Variants in SPAG16 observed in about 807,000 individuals in gnomAD.
SPAG16 encodes the protein sperm associated antigen 16.
Under a neutral mutation model 80.4 loss-of-function variants are expected in SPAG16, and 86 were observed. That is an observed-to-expected ratio of 1.07 (90% CI 0.90 to 1.28). SPAG16 has a LOEUF of 1.28. Among genes scored for constraint, SPAG16 ranks in the 50% most tolerant of loss-of-function variants. The pLI is 0.00. For synonymous variants in SPAG16, 294 were observed against 265.9 expected (o/e 1.11, Z -1.03); for missense variants, 870 against 765.3 (o/e 1.14, Z -1.61).
At chr2:213,969,751 C>A (rs1377066516) in intron 12 of SPAG16, among the ~76,000 whole-genome samples, 1 of 151,800 alleles carries the variant, frequency 6.6e-6, no homozygotes, top group East Asian at 1.9e-4. Flanking sequence ...CAGACTAAGA[C>A]AATTTCTAAA....
intron 15 of SPAG16, among the ~76,000 whole-genome samples, chr2:214,384,197 T>C (rs918594189): frequency 6.6e-6 from 1 of 152,242 alleles, no homozygotes; most frequent in African/African-American, 2.4e-5. Context: ...ATATTGGAGT[T>C]GTCTGAAAGG....
intron 10 of SPAG16, among the ~76,000 whole-genome samples, chr2:213,728,529 G>A (rs955549874): frequency 5.3e-5 from 8 of 152,124 alleles, no homozygotes; most frequent in African/African-American, 1.7e-4. Flanking sequence ...CTGCCACAGG[G>A]AATAAGGACA....
At chr2:213,460,640 AG>A (rs1310779517) in intron 9 of SPAG16, among the ~76,000 whole-genome samples, 1 of 152,200 alleles carries the variant, frequency 6.6e-6, no homozygotes, top group Non-Finnish European at 1.5e-5. Context: ...ATGAATGCAT[AG>A]TAAATTTGAT....
At chr2:213,696,886 C>G (rs559220700) in intron 10 of SPAG16, among the ~76,000 whole-genome samples, 1 of 152,170 alleles carries the variant, frequency 6.6e-6, no homozygotes, top group East Asian at 1.9e-4. Flanking sequence ...GAAATAGTAG[C>G]TGGAAGAGAA....
intron 15 of SPAG16, among the ~76,000 whole-genome samples, chr2:214,339,551 C>T (rs1697522914): frequency 6.6e-6 from 1 of 152,178 alleles, no homozygotes; most frequent in Non-Finnish European, 1.5e-5. Context: ...TGTAAGGGAG[C>T]TTCTCAGGAG....
chr2:213,453,093 A>G lies in SPAG16; in HGVS notation c.943-36870A>G, dbSNP rs2071798181. Among the ~76,000 whole-genome samples, 4 of 152,300 alleles carry G rather than the reference A, an allele frequency of 2.6e-5. No individual in the cohort carries two copies. In the South Asian group the frequency reaches 6.2e-4, roughly 24 times the overall value. ...GGTTATGTTTTATTCCCTATCTCAT[A>G]GAACCTAGACTCTTGTTTCCTTTTT... is the stretch of plus-strand genomic sequence containing the variant. On this transcript the variant is annotated intron_variant, in intron 9 of 15. Transcript: ENST00000331683.
chr2:214,099,642 T>C (rs932240636), intron 13 of SPAG16, among the ~76,000 whole-genome samples: 2 of 152,110 alleles, frequency 1.3e-5, no homozygotes, highest in South Asian at 2.1e-4. Flanking sequence ...CCATGAAATA[T>C]ACAACAAACA....
rs373758212 is a variant in SPAG16, at chr2:213,567,230, TG to T, written c.1070+77141del. ...ATTATTAAAATTACTTGTTTGACAT[TG>T]TTTTTTTTTTTTTATTATACTCTAA... is the stretch of plus-strand genomic sequence containing the variant. On this transcript the variant is annotated intron_variant, in intron 10 of 15. Transcript: ENST00000331683. Among the ~76,000 whole-genome samples, 1,195 of 144,464 alleles carry T rather than the reference TG, an allele frequency of 8.3e-3. 13 individuals are homozygous for T. The highest frequency in any genetic ancestry group is 0.025 in the Middle Eastern group (7 of 280). The allele number at this position is 144,464 out of a possible 152,430, so 94.8% of individuals were successfully genotyped here.
intron 12 of SPAG16, among the ~76,000 whole-genome samples, chr2:213,979,506 G>T (rs983688544): frequency 2.0e-5 from 3 of 152,088 alleles, no homozygotes; most frequent in African/African-American, 7.2e-5. Context: ...GAAGTCAAAG[G>T]AGAAGCAGGA....
chr2:214,390,607 A>G (rs1040755331), intron 15 of SPAG16, among the ~76,000 whole-genome samples: 1 of 152,162 alleles, frequency 6.6e-6, no homozygotes, highest in Admixed American at 6.5e-5. Context: ...GTATCATCCA[A>G]TTAGAACCAT....
At chr2:213,508,531 C>A (rs1256286256) in intron 10 of SPAG16, among the ~76,000 whole-genome samples, 1 of 152,098 alleles carries the variant, frequency 6.6e-6, no homozygotes. Context: ...GAGATTGCGC[C>A]ACTGCAGTCT....
rs1352448303 is a variant in SPAG16 at position 213,407,625 on chromosome 2, GAGAGAGAGAGAGAGAC to G, written c.942+32510_942+32525del. 6.1e-4 allele frequency among the ~76,000 whole-genome samples: 86 copies of G among 141,790 alleles called. 1 individual carries two copies. The highest frequency in any genetic ancestry group is 1.9e-3 in the African/African-American group (69 of 37,240). The allele number at this position is 141,790 out of a possible 152,430, so 93.0% of individuals were successfully genotyped here. A position where few individuals can be genotyped will look rare whatever the true frequency, so the allele number is the denominator to read the frequency against. ...AGAGAGAGAGAGAGAGAGAGAGAGA[GAGAGAGAGAGAGAGAC>G]AGACAGACAGGAGAGAGAGAGGGGG... On this transcript the variant is annotated intron_variant, in intron 9 of 15. Coordinates refer to ENST00000331683, the MANE Select transcript of SPAG16 (RefSeq NM_024532.5).
At chr2:214,128,349 T>G (rs1203956114) in intron 14 of SPAG16, among the ~76,000 whole-genome samples, 1 of 151,864 alleles carries the variant, frequency 6.6e-6, no homozygotes, top group Non-Finnish European at 1.5e-5. Context: ...ATGTTTTAGT[T>G]AAATCTTATA....
At chr2:213,919,294 T>C (rs1401307467) in intron 11 of SPAG16, among the ~76,000 whole-genome samples, 1 of 152,196 alleles carries the variant, frequency 6.6e-6, no homozygotes, top group Non-Finnish European at 1.5e-5. Context: ...TCTCCTTAGT[T>C]CATCTCTGAT....
At chr2:213,699,961 C>T (rs189338524) in intron 10 of SPAG16, among the ~76,000 whole-genome samples, 1 of 152,232 alleles carries the variant, frequency 6.6e-6, no homozygotes, top group East Asian at 1.9e-4. Context: ...TGGTGGCATT[C>T]CAGATGATTA....
At chr2:213,498,935 C>G (rs185031588) in intron 10 of SPAG16, among the ~76,000 whole-genome samples, 6 of 152,280 alleles carry the variant, frequency 3.9e-5, no homozygotes, top group Non-Finnish European at 7.4e-5. Context: ...CATGGTCTGC[C>G]TCCAGTCACT....
chr2:213,605,106 T>G (rs1409852511), intron 10 of SPAG16, among the ~76,000 whole-genome samples: 6 of 152,142 alleles, frequency 3.9e-5, no homozygotes, highest in African/African-American at 1.4e-4. Context: ...CATGTATACA[T>G]GAAAATGTAA....
chr2:213,472,467 C>T (rs986723366), intron 9 of SPAG16, among the ~76,000 whole-genome samples: 1 of 152,180 alleles, frequency 6.6e-6, no homozygotes, highest in Non-Finnish European at 1.5e-5. Flanking sequence ...GGAATCACCA[C>T]CCCTGTGTCT....
intron 10 of SPAG16, among the ~76,000 whole-genome samples, chr2:213,663,147 G>T (rs2063484533): frequency 6.6e-6 from 1 of 152,056 alleles, no homozygotes; most frequent in East Asian, 1.9e-4. Flanking sequence ...CTGTTGAGCT[G>T]TGTAGGAAAC....
Sources: gnomAD v4.1 joint callset for allele counts (sites outside exome capture counted in the v4.1 genomes callset) on GRCh38, gnomAD v4.1.1 for gene constraint, MANE v1.5 for transcripts, NCBI Gene and HGNC (gene_info 2026-07-23, HGNC 2026-07-21) for gene names.